PTPRT: variants seen among roughly 807,000 people sequenced by gnomAD.
PTPRT encodes protein tyrosine phosphatase receptor type T.
Under a neutral mutation model 176.8 loss-of-function variants are expected in PTPRT, and 56 were observed. The observed-to-expected ratio is 0.32, with a 90% confidence interval of 0.26 to 0.40. The LOEUF (loss-of-function observed/expected upper bound fraction) is 0.40, where lower values mean the gene tolerates loss of function less well. Among genes scored for constraint, PTPRT ranks in the 10% least tolerant of loss-of-function variants. PTPRT has a pLI of 1.00. For missense variants in PTPRT, 1,540 were observed against 1,908.2 expected (o/e 0.81, Z 3.60); for synonymous variants, 783 against 739.0 (o/e 1.06, Z -0.96).
intron 17 of PTPRT, among the ~76,000 whole-genome samples, chr20:42,153,014 C>G (rs1032316702): frequency 6.6e-6 from 1 of 152,172 alleles, no homozygotes; most frequent in Non-Finnish European, 1.5e-5. Flanking sequence ...TTGTACACAA[C>G]CTTCTCCTCT....
At chr20:43,073,144 C>T (rs745518808) in intron 1 of PTPRT, among the ~76,000 whole-genome samples, 22 of 152,158 alleles carry the variant, frequency 1.4e-4, no homozygotes, top group African/African-American at 5.1e-4. Flanking sequence ...GGGGACCACA[C>T]GCTCATGAAG....
chr20:42,395,116 C>G (rs371171147), intron 9 of PTPRT, among the ~76,000 whole-genome samples: 2 of 152,218 alleles, frequency 1.3e-5, no homozygotes, highest in African/African-American at 4.8e-5. Context: ...TCCTGGTGAT[C>G]CTTTACATTT....
intron 6 of PTPRT, among the ~76,000 whole-genome samples, chr20:42,685,016 TCAAA>T (rs1483502344): frequency 6.6e-6 from 1 of 152,090 alleles, no homozygotes; most frequent in Non-Finnish European, 1.5e-5. Context: ...CCATCCAAAG[TCAAA>T]CAGTTAGTCA....
At chr20:42,149,904 C>T (rs1339804520) in intron 17 of PTPRT, among the ~76,000 whole-genome samples, 1 of 152,168 alleles carries the variant, frequency 6.6e-6, no homozygotes, top group African/African-American at 2.4e-5. Context: ...ACCCTCCTAT[C>T]CACAGAGCTG....
At chr20:42,047,064 T>A in the PTPRT span, among the ~76,000 whole-genome samples, 36 of 152,134 alleles carry the variant, frequency 2.4e-4, no homozygotes, top group African/African-American at 3.1e-4. Context: ...CCTGACAAAC[T>A]TCTCCAATGA....
At chr20:42,067,298 A>C in the PTPRT span, among the ~76,000 whole-genome samples, 1 of 152,164 alleles carries the variant, frequency 6.6e-6, no homozygotes, top group Non-Finnish European at 1.5e-5. Flanking sequence ...AGAGGTTTGT[A>C]TCGGCATTTA....
At chr20:42,669,818 A>G (rs17748778) in intron 7 of PTPRT, among the ~76,000 whole-genome samples, 5,517 of 151,964 alleles carry the variant, frequency 0.036, 129 homozygotes, top group Non-Finnish European at 0.057. Flanking sequence ...TATTGCAGAG[A>G]GTCTGGATTC....
intron 9 of PTPRT, among the ~76,000 whole-genome samples, chr20:42,421,663 T>G (rs1316893000): frequency 1.3e-5 from 2 of 152,072 alleles, no homozygotes; most frequent in African/African-American, 2.4e-5. Context: ...CTATCCCTAT[T>G]AAAAGGCCAT....
At chr20:42,835,475 A>G (rs1032071707) in intron 2 of PTPRT, among the ~76,000 whole-genome samples, 11 of 152,160 alleles carry the variant, frequency 7.2e-5, no homozygotes, top group African/African-American at 2.4e-4. Context: ...CAGAATGCCT[A>G]TTTTATTTGG....
At chr20:43,176,609 G>C (rs1245947541) in intron 1 of PTPRT, among the ~76,000 whole-genome samples, 1 of 152,132 alleles carries the variant, frequency 6.6e-6, no homozygotes, top group Non-Finnish European at 1.5e-5. Context: ...CTTCTAAAGA[G>C]TGTAGCCTTC....
At chr20:42,257,945 G>T (rs1424022177) in intron 13 of PTPRT, among the ~76,000 whole-genome samples, 5 of 152,008 alleles carry the variant, frequency 3.3e-5, no homozygotes. Flanking sequence ...AGTAATGGTA[G>T]CAAGCAGGAG....
chr20:42,270,276 G>A, intron 13 of PTPRT: 1 of 787,000 alleles, frequency 1.3e-6, no homozygotes, highest in Middle Eastern at 3.6e-4. Context: ...GAATGGGTGG[G>A]GGGGTGGGTG....
rs570732522 is a variant in PTPRT, at chr20:42,118,472, A to G, written c.2913T>C (p.Phe971=). The G allele has an allele frequency of 1.6e-4, 264 of 1,612,836 alleles. 2 individuals carry two copies. The South Asian group carries it at 2.6e-3, about 16-fold the overall frequency. The change falls in exon 21 of 31, where the codon TTT becomes TTC. Residue 971 remains phenylalanine, a synonymous_variant. Coordinates refer to ENST00000373187, the MANE Select transcript of PTPRT (RefSeq NM_007050.6). ...QGPMQETVKD[F]WRMIWQENSA... The stretch of plus-strand genomic sequence containing the variant: ...AGTTCTCCTGCCAGATCATTCTCCA[A>G]AAGTCCTTTACAGTCTCCTGCATCG...
At chr20:42,527,864 A>G (rs2072306577) in intron 7 of PTPRT, among the ~76,000 whole-genome samples, 1 of 152,242 alleles carries the variant, frequency 6.6e-6, no homozygotes, top group African/African-American at 2.4e-5. Flanking sequence ...TGTTAATAGC[A>G]TTATTCTGGC....
chr20:42,684,997 G>A lies in PTPRT; in HGVS notation c.860-6838C>T, dbSNP rs147112591. On this transcript the variant is annotated intron_variant, in intron 6 of 30. Coordinates refer to ENST00000373187, the MANE Select transcript of PTPRT (RefSeq NM_007050.6). Reference sequence around the variant, plus strand: ...AGTCTTCACAGCAACTTTATGGGTGGGTAGATACCCATCCAAAGTCAAACA... The same window carrying A: ...AGTCTTCACAGCAACTTTATGGGTGAGTAGATACCCATCCAAAGTCAAACA... Among the ~76,000 whole-genome samples, 953 of 152,126 alleles carry A rather than the reference G, an allele frequency of 6.3e-3. 10 individuals carry two copies. The highest frequency in any genetic ancestry group is 0.022 in the African/African-American group (906 of 41,482).
intron 7 of PTPRT, among the ~76,000 whole-genome samples, chr20:42,608,059 A>C (rs2073910833): frequency 6.6e-6 from 1 of 152,188 alleles, no homozygotes. Flanking sequence ...ACAGATGATG[A>C]AACTGAGACT....
intron 5 of PTPRT, among the ~76,000 whole-genome samples, chr20:42,770,141 A>G (rs1301789306): frequency 1.3e-5 from 2 of 152,178 alleles, no homozygotes; most frequent in Admixed American, 1.3e-4. Context: ...TAATTTTTTG[A>G]GAAGGAGTTT....
At chr20:42,082,078 C>G in intron 29 of PTPRT, 61 bp from the exon 30 acceptor site, 6 of 1,609,342 alleles carry the variant, frequency 3.7e-6, no homozygotes, top group Non-Finnish European at 5.1e-6. Context: ...CCTGATGATT[C>G]TAAAGCTACA....
intron 2 of PTPRT, among the ~76,000 whole-genome samples, chr20:42,813,471 TC>T (rs2077731172): frequency 6.6e-6 from 1 of 151,800 alleles, no homozygotes. Flanking sequence ...TTTCTCTTCC[TC>T]CCTTTATTTT....
Sources: gnomAD v4.1 joint callset for allele counts (sites outside exome capture counted in the v4.1 genomes callset) on GRCh38, gnomAD v4.1.1 for gene constraint, MANE v1.5 for transcripts, NCBI Gene and HGNC (gene_info 2026-07-23, HGNC 2026-07-21) for gene names.